Variants in IFT88 observed in about 807,000 individuals in gnomAD.
IFT88 encodes the protein intraflagellar transport protein 88 homolog.
Under a neutral mutation model 119.5 loss-of-function variants are expected in IFT88, and 74 were observed. The ratio of observed to expected loss-of-function variants is 0.62; its 90% CI spans 0.51 to 0.75. The LOEUF (loss-of-function observed/expected upper bound fraction) is 0.75, where lower values mean the gene tolerates loss of function less well. Among genes scored for constraint, IFT88 ranks in the 30% least tolerant of loss-of-function variants. The pLI, the probability that IFT88 is intolerant of heterozygous loss-of-function variation, is 0.00. For missense variants in IFT88, 961 were observed against 977.7 expected (o/e 0.98, Z 0.23); for synonymous variants, 279 against 316.7 (o/e 0.88, Z 1.26).
chr13:20,670,775 C>T (rs1357914479), intron 23 of IFT88, among the ~76,000 whole-genome samples, 198 bp from the exon 24 acceptor site: 1 of 150,868 alleles, frequency 6.6e-6, no homozygotes. Context: ...TCTCAAGAGC[C>T]TTAGAGGGGA....
intron 23 of IFT88, among the ~76,000 whole-genome samples, chr13:20,670,618 T>A (rs1204964898): frequency 6.6e-6 from 1 of 151,322 alleles, no homozygotes; most frequent in Non-Finnish European, 1.5e-5. Flanking sequence ...TTGTAGATTC[T>A]TATCCCCTCC....
chr13:20,610,430 C>G (rs990775476), intron 13 of IFT88, among the ~76,000 whole-genome samples: 5 of 152,068 alleles, frequency 3.3e-5, no homozygotes, highest in African/African-American at 1.2e-4. Context: ...ATTTTTCTCA[C>G]TAGGGAATGA....
At chr13:20,576,841 A>G (rs1372592176) in intron 2 of IFT88, among the ~76,000 whole-genome samples, 2 of 152,120 alleles carry the variant, frequency 1.3e-5, no homozygotes, top group African/African-American at 4.8e-5. Flanking sequence ...AGCTTTGGCT[A>G]TTCTGGGTCT....
intron 14 of IFT88, among the ~76,000 whole-genome samples, chr13:20,625,308 T>A (rs1390161863): frequency 6.6e-6 from 1 of 152,216 alleles, no homozygotes; most frequent in African/African-American, 2.4e-5. Flanking sequence ...GCACTGCCCC[T>A]GTTATAGAGT....
chr13:20,639,005 C>A (rs1222088255), intron 17 of IFT88, among the ~76,000 whole-genome samples: 2 of 152,174 alleles, frequency 1.3e-5, no homozygotes, highest in East Asian at 3.9e-4. Context: ...AAGCCAAATA[C>A]TACAAGCCAT....
chr13:20,570,430 A>G (rs1204953210), intron 1 of IFT88, among the ~76,000 whole-genome samples: 2 of 152,234 alleles, frequency 1.3e-5, no homozygotes, highest in South Asian at 2.1e-4. Flanking sequence ...ACACACATTC[A>G]TAGTGATGTT....
chr13:20,669,246 A>G (rs192630436), intron 23 of IFT88, among the ~76,000 whole-genome samples: 3 of 152,180 alleles, frequency 2.0e-5, no homozygotes, highest in Non-Finnish European at 4.4e-5. Context: ...AAAATTCTAG[A>G]TGAGTGCAGG....
At chr13:20,670,874 G>C in intron 23 of IFT88, 99 bp from the exon 24 acceptor site, 1 of 938,688 alleles carries the variant, frequency 1.1e-6, no homozygotes, top group Non-Finnish European at 1.6e-6. Context: ...TAGTCCTAAG[G>C]GTAATGTAGT....
At chr13:20,590,224 TA>T (rs1214589848) in intron 4 of IFT88, among the ~76,000 whole-genome samples, 1 of 152,188 alleles carries the variant, frequency 6.6e-6, no homozygotes, top group Non-Finnish European at 1.5e-5. Flanking sequence ...AAACATTTAC[TA>T]ATTAACAAAT....
At chr13:20,600,291 T>C (rs2042380368) in intron 11 of IFT88, among the ~76,000 whole-genome samples, 1 of 152,022 alleles carries the variant, frequency 6.6e-6, no homozygotes, top group Non-Finnish European at 1.5e-5. Context: ...AAAAATTGTA[T>C]TGAGTAACAT....
At chr13:20,688,631 T>TA (rs1387577121) in intron 24 of IFT88, among the ~76,000 whole-genome samples, 3 of 152,092 alleles carry the variant, frequency 2.0e-5, no homozygotes, top group Non-Finnish European at 4.4e-5. Context: ...AACCTACAGT[T>TA]AAGAAAAAGT....
intron 23 of IFT88, among the ~76,000 whole-genome samples, chr13:20,665,213 T>A (rs866742024): frequency 2.0e-4 from 31 of 152,238 alleles, no homozygotes; most frequent in African/African-American, 7.5e-4. Flanking sequence ...ATTTGCCAGT[T>A]TTCCCCCAAA....
chr13:20,683,471 T>G (rs2057545264), intron 24 of IFT88, among the ~76,000 whole-genome samples: 2 of 152,120 alleles, frequency 1.3e-5, no homozygotes, highest in Non-Finnish European at 2.9e-5. Flanking sequence ...CCCTATAAAT[T>G]TATAGGTACA....
At chr13:20,588,233 T>C (rs1223949679) in intron 3 of IFT88, among the ~76,000 whole-genome samples, 2 of 152,128 alleles carry the variant, frequency 1.3e-5, no homozygotes, top group African/African-American at 4.8e-5. Flanking sequence ...ATATTATTTT[T>C]AGCTATTTTT....
At chr13:20,665,661 C>G (rs936388373) in intron 23 of IFT88, among the ~76,000 whole-genome samples, 2 of 152,226 alleles carry the variant, frequency 1.3e-5, no homozygotes, top group South Asian at 4.1e-4. Context: ...ATTTCAGATA[C>G]TCTCATGCAT....
At chr13:20,574,519 G>C in intron 2 of IFT88, 44 bp downstream of exon 2, 1 of 1,063,678 alleles carries the variant, frequency 9.4e-7, no homozygotes, top group East Asian at 2.5e-5. Context: ...TGGTTAACCA[G>C]CTGGTTTATG....
chr13:20,596,890 CA>C, intron 8 of IFT88, 124 bp from the exon 9 acceptor site: 1 of 546,674 alleles, frequency 1.8e-6, no homozygotes. Context: ...TAAGAGCACA[CA>C]GGGGTGTCTT....
At chr13:20,629,305 A>G (rs547615119) in intron 15 of IFT88, among the ~76,000 whole-genome samples, 18 of 152,324 alleles carry the variant, frequency 1.2e-4, no homozygotes, top group African/African-American at 3.6e-4. Context: ...TAAAGCATCA[A>G]TGAGGTAGTT....
In IFT88 at chr13:20,690,833, A is replaced by C; in HGVS notation, c.2353+18A>C. On this transcript the variant is annotated intron_variant, in intron 25 of 25. Transcript: ENST00000351808. Reference sequence around the variant, plus strand: ...AGAAATAGGCAAGTACTCTCCACCCAGTTCCTCCAGGCATAGCAGGTCTGA... The same window carrying C: ...AGAAATAGGCAAGTACTCTCCACCCCGTTCCTCCAGGCATAGCAGGTCTGA... The C allele has an allele frequency of 1.3e-6, 2 of 1,551,866 alleles. No individual in the cohort carries two copies. Among genetic ancestry groups the C allele is most frequent in the Non-Finnish European group, 1.8e-6 (2 of 1,123,358 alleles).
Sources: allele counts gnomAD v4.1 joint callset (sites outside exome capture counted in the v4.1 genomes callset), GRCh38; gene constraint gnomAD v4.1.1; transcripts MANE v1.5; gene names NCBI Gene and HGNC (gene_info 2026-07-23, HGNC 2026-07-21).